Variants in CDH20 observed in about 807,000 individuals in gnomAD.
CDH20 encodes the protein cadherin 20, also known as cadherin-20.
A neutral mutation model predicts 74.2 loss-of-function variants in CDH20; 29 were observed. That is an observed-to-expected ratio of 0.39 (90% CI 0.29 to 0.53). The LOEUF (loss-of-function observed/expected upper bound fraction) is 0.53. CDH20 is among the 20% of genes least tolerant of loss of function. The pLI, the probability that CDH20 is intolerant of heterozygous loss-of-function variation, is 0.69. For missense variants in CDH20, 988 were observed against 1,048.3 expected (o/e 0.94, Z 0.79); for synonymous variants, 469 against 405.4 (o/e 1.16, Z -1.88).
intron 1 of CDH20, among the ~76,000 whole-genome samples, chr18:61,376,791 A>G (rs1599045073): frequency 1.3e-5 from 2 of 152,108 alleles, no homozygotes; most frequent in Admixed American, 1.3e-4. Context: ...CTTGTGAGCT[A>G]TCTGAGGGTG....
chr18:61,511,693 A>G (rs1911789642), intron 6 of CDH20, among the ~76,000 whole-genome samples: 1 of 152,230 alleles, frequency 6.6e-6, no homozygotes, highest in Non-Finnish European at 1.5e-5. Flanking sequence ...TATTACCTGT[A>G]ACAACTCTGT....
chr18:61,394,947 G>A (rs186402471), intron 1 of CDH20, among the ~76,000 whole-genome samples: 28 of 151,918 alleles, frequency 1.8e-4, no homozygotes, highest in Admixed American at 9.8e-4. Context: ...CTCCTTGCCC[G>A]AAGAGGAACC....
At chr18:61,500,604 T>C (rs1911343329) in intron 4 of CDH20, 102 bp downstream of exon 4, 2 of 1,259,154 alleles carry the variant, frequency 1.6e-6, no homozygotes, top group Non-Finnish European at 1.1e-6. Flanking sequence ...CTCCAGGGAG[T>C]GTATTAACCA....
chr18:61,468,533 TGAGA>T (rs1282520381), intron 1 of CDH20, among the ~76,000 whole-genome samples: 1 of 152,240 alleles, frequency 6.6e-6, no homozygotes. Flanking sequence ...TATTTAATGC[TGAGA>T]GACTTTTAAT....
Position 61,555,179 on chromosome 18 carries a change from T to C in CDH20, c.*484T>C. On this transcript the variant is annotated 3_prime_UTR_variant, in exon 12 of 12. Coordinates refer to ENST00000262717, the MANE Select transcript of CDH20 (RefSeq NM_031891.4). ...CAACCCACAAGAAAGAACAAAAAAC[T>C]TGTTACTCAGTGAAATTAACCTACT... 1.0e-6 allele frequency: 1 copy of C among 989,306 alleles called. No homozygotes were observed. The highest frequency in any genetic ancestry group is 1.2e-6 in the Non-Finnish European group (1 of 832,502). 61.3% of individuals were successfully genotyped at this position (989,306 alleles called of 1,614,324 possible). A position where few individuals can be genotyped will look rare whatever the true frequency, so the allele number is the denominator to read the frequency against.
chr18:61,416,652 C>T (rs148694239), intron 1 of CDH20, among the ~76,000 whole-genome samples: 158 of 152,322 alleles, frequency 1.0e-3, no homozygotes, highest in African/African-American at 3.6e-3. Context: ...GTCCTGTGAG[C>T]ATTTTTACCA....
intron 6 of CDH20, among the ~76,000 whole-genome samples, chr18:61,515,234 C>T (rs1313442003): frequency 1.3e-5 from 2 of 152,166 alleles, no homozygotes; most frequent in African/African-American, 4.8e-5. Flanking sequence ...CGGAAAAGCG[C>T]AATATTCGGG....
At chr18:61,404,115 T>C (rs772607401) in intron 1 of CDH20, among the ~76,000 whole-genome samples, 19 of 152,352 alleles carry the variant, frequency 1.2e-4, no homozygotes, top group Non-Finnish European at 4.4e-5. Flanking sequence ...ATAGCCAATG[T>C]ATGTGAGGCT....
intron 1 of CDH20, among the ~76,000 whole-genome samples, chr18:61,412,439 C>A (rs1374943290): frequency 6.6e-6 from 1 of 152,038 alleles, no homozygotes; most frequent in East Asian, 1.9e-4. Flanking sequence ...ATTAAAGGGC[C>A]ACATATCTTG....
chr18:61,452,477 T>A (rs1909426015), intron 1 of CDH20, among the ~76,000 whole-genome samples: 1 of 152,202 alleles, frequency 6.6e-6, no homozygotes, highest in African/African-American at 2.4e-5. Context: ...TCTTTAAATT[T>A]TCTGTTTTAT....
chr18:61,547,354 G>A (rs1462583987), intron 10 of CDH20, among the ~76,000 whole-genome samples: 1 of 152,040 alleles, frequency 6.6e-6, no homozygotes, highest in Non-Finnish European at 1.5e-5. Context: ...AACAAAAACT[G>A]ACTAATATAG....
At chr18:61,457,779 C>T (rs1909625416) in intron 1 of CDH20, among the ~76,000 whole-genome samples, 1 of 152,036 alleles carries the variant, frequency 6.6e-6, no homozygotes, top group Admixed American at 6.6e-5. Flanking sequence ...TTGAGGAAAA[C>T]CAAAACTTAA....
chr18:61,401,654 A>G (rs958193194), intron 1 of CDH20, among the ~76,000 whole-genome samples: 12 of 152,236 alleles, frequency 7.9e-5, no homozygotes, highest in African/African-American at 2.2e-4. Flanking sequence ...CTAATGTTGC[A>G]GACTAATGCA....
chr18:61,337,416 A>G (rs1909794677), intron 1 of CDH20, among the ~76,000 whole-genome samples: 1 of 152,252 alleles, frequency 6.6e-6, no homozygotes, highest in East Asian at 1.9e-4. Context: ...ATCAACATAT[A>G]TGCAAATAGC....
At chr18:61,497,969 A>C (rs1911230110) in intron 2 of CDH20, among the ~76,000 whole-genome samples, 1 of 152,196 alleles carries the variant, frequency 6.6e-6, no homozygotes, top group African/African-American at 2.4e-5. Flanking sequence ...CATTACCTAT[A>C]GGGTTGCTCA....
intron 1 of CDH20, among the ~76,000 whole-genome samples, chr18:61,456,636 A>T (rs1909579164): frequency 6.6e-6 from 1 of 152,112 alleles, no homozygotes; most frequent in East Asian, 1.9e-4. Context: ...TTTTGCAATG[A>T]AACACTTTAT....
At chr18:61,468,923 A>G (rs1031459765) in intron 1 of CDH20, among the ~76,000 whole-genome samples, 11 of 152,202 alleles carry the variant, frequency 7.2e-5, no homozygotes, top group African/African-American at 2.7e-4. Context: ...TCTCCTGTAT[A>G]GGGGAAACTA....
intron 1 of CDH20, among the ~76,000 whole-genome samples, chr18:61,486,989 C>T (rs147594162): frequency 5.2e-4 from 79 of 152,286 alleles, no homozygotes; most frequent in African/African-American, 1.7e-3. Flanking sequence ...AACGAATTTA[C>T]GTAACAAACT....
At chr18:61,452,003 A>G (rs1455702620) in intron 1 of CDH20, among the ~76,000 whole-genome samples, 1 of 152,170 alleles carries the variant, frequency 6.6e-6, no homozygotes, top group Non-Finnish European at 1.5e-5. Context: ...ACAATGATTC[A>G]ATCATTATAG....
Sources: allele counts gnomAD v4.1 joint callset (sites outside exome capture counted in the v4.1 genomes callset), GRCh38; gene constraint gnomAD v4.1.1; transcripts MANE v1.5; gene names NCBI Gene and HGNC (gene_info 2026-07-23, HGNC 2026-07-21).